Variants in STAC observed in about 807,000 individuals in gnomAD.
The protein encoded by STAC is SH3 and cysteine-rich domain-containing protein.
A neutral mutation model predicts 48.8 loss-of-function variants in STAC; 43 were observed. The ratio of observed to expected loss-of-function variants is 0.88; its 90% CI spans 0.69 to 1.14. The LOEUF (loss-of-function observed/expected upper bound fraction) is 1.14. STAC is among the 50% of genes most tolerant of loss of function. The pLI, the probability that STAC is intolerant of heterozygous loss-of-function variation, is 0.00. For synonymous variants in STAC, 193 were observed against 179.5 expected (o/e 1.07, Z -0.60); for missense variants, 497 against 504.0 (o/e 0.99, Z 0.13).
intron 1 of STAC, among the ~76,000 whole-genome samples, chr3:36,439,772 A>C (rs1285364202): frequency 6.6e-6 from 1 of 152,140 alleles, no homozygotes; most frequent in Non-Finnish European, 1.5e-5. Flanking sequence ...AATCTCAATG[A>C]ATGATTGTCT....
At chr3:36,448,643 A>G (rs1358282108) in intron 2 of STAC, among the ~76,000 whole-genome samples, 1 of 152,212 alleles carries the variant, frequency 6.6e-6, no homozygotes, top group African/African-American at 2.4e-5. Flanking sequence ...AAAGACTTTG[A>G]AAACTGTTAT....
At chr3:36,468,311 C>T (rs574074908) in intron 2 of STAC, among the ~76,000 whole-genome samples, 1 of 152,034 alleles carries the variant, frequency 6.6e-6, no homozygotes, top group South Asian at 2.1e-4. Context: ...TGTTTTGTGG[C>T]CTATCATATG....
Position 36,435,445 on chromosome 3 carries a change from C to A in STAC, c.112-7919C>A, listed in dbSNP as rs561084219. ...CAACTACCCACGGACATGGCTCCAG[C>A]ATGCCCCTTTCTCTCTTATGCATCG... On this transcript the variant is annotated intron_variant, in intron 1 of 10. Coordinates refer to ENST00000273183, the MANE Select transcript of STAC (RefSeq NM_003149.3). Among the ~76,000 whole-genome samples the A allele has an allele frequency of 2.6e-5, 4 of 152,164 alleles. No individual in the cohort carries two copies. In the South Asian group the frequency reaches 8.3e-4, roughly 32 times the overall value.
intron 8 of STAC, among the ~76,000 whole-genome samples, chr3:36,509,592 G>A (rs1178483011): frequency 6.6e-6 from 1 of 151,920 alleles, no homozygotes; most frequent in East Asian, 1.9e-4. Context: ...TGGAGGCTTT[G>A]TTTATTCCTT....
Position 36,399,753 on chromosome 3 carries a change from A to G in STAC, c.111+18999A>G, listed in dbSNP as rs182433280. On this transcript the variant is annotated intron_variant, in intron 1 of 10. Coordinates refer to ENST00000273183, the MANE Select transcript of STAC (RefSeq NM_003149.3). ...ACTCGAGAATCTTGGAAAAATTTCA[A>G]TTAAATTGACTCATATACATTCAGT... 3.9e-5 allele frequency among the ~76,000 whole-genome samples: 6 copies of G among 152,308 alleles called. No homozygotes were observed. In the East Asian group the frequency reaches 1.2e-3, roughly 29 times the overall value.
At chr3:36,384,855 CG>C (rs1377160689) in intron 1 of STAC, among the ~76,000 whole-genome samples, 10 of 152,164 alleles carry the variant, frequency 6.6e-5, no homozygotes, top group Non-Finnish European at 1.5e-4. Flanking sequence ...ACCATGAAGA[CG>C]TGCCCTGAAT....
chr3:36,399,944 CT>C (rs778848229), intron 1 of STAC, among the ~76,000 whole-genome samples: 2 of 152,138 alleles, frequency 1.3e-5, no homozygotes, highest in Non-Finnish European at 2.9e-5. Flanking sequence ...TGTGCAAGTG[CT>C]TTGGAAAACA....
At chr3:36,505,631 C>T (rs563197473) in intron 7 of STAC, 115 bp from the exon 8 acceptor site, 6 of 678,014 alleles carry the variant, frequency 8.8e-6, no homozygotes, top group South Asian at 5.7e-5. Context: ...ATAACACTTA[C>T]GATCCATACA....
At chr3:36,537,958 A>C (rs1326648529) in intron 10 of STAC, among the ~76,000 whole-genome samples, 1 of 152,060 alleles carries the variant, frequency 6.6e-6, no homozygotes, top group Non-Finnish European at 1.5e-5. Context: ...TTTAAAAAAA[A>C]ACAGAAAAAA....
intron 2 of STAC, among the ~76,000 whole-genome samples, chr3:36,458,293 C>A (rs1696907134): frequency 6.6e-6 from 1 of 152,142 alleles, no homozygotes; most frequent in Non-Finnish European, 1.5e-5. Flanking sequence ...AGAAAATATG[C>A]TCCCTTTCTT....
chr3:36,423,935 A>G (rs1392177721), intron 1 of STAC, among the ~76,000 whole-genome samples: 1 of 152,074 alleles, frequency 6.6e-6, no homozygotes, highest in Non-Finnish European at 1.5e-5. Flanking sequence ...TCCAAAAATG[A>G]TGCTGCCCTA....
chr3:36,508,554 T>G (rs1698460216), intron 8 of STAC, among the ~76,000 whole-genome samples: 1 of 152,190 alleles, frequency 6.6e-6, no homozygotes, highest in Non-Finnish European at 1.5e-5. Flanking sequence ...TATGGGAGTC[T>G]AAGTCTCTCT....
At chr3:36,535,545 C>T (rs1336517197) in intron 10 of STAC, among the ~76,000 whole-genome samples, 1 of 152,096 alleles carries the variant, frequency 6.6e-6, no homozygotes, top group Non-Finnish European at 1.5e-5. Flanking sequence ...CTTTTTTGTG[C>T]CAATTTTCAA....
chr3:36,503,596 G>C (rs930665490), intron 6 of STAC, among the ~76,000 whole-genome samples: 2 of 152,028 alleles, frequency 1.3e-5, no homozygotes, highest in Non-Finnish European at 2.9e-5. Context: ...ACCATGCTCA[G>C]CTAATTTTTG....
At chr3:36,385,458 C>T (rs1359630426) in intron 1 of STAC, among the ~76,000 whole-genome samples, 1 of 152,044 alleles carries the variant, frequency 6.6e-6, no homozygotes, top group Non-Finnish European at 1.5e-5. Context: ...CTCATAACCA[C>T]AGTGACCTCA....
At chr3:36,420,169 A>C (rs924711329) in intron 1 of STAC, among the ~76,000 whole-genome samples, 1 of 152,184 alleles carries the variant, frequency 6.6e-6, no homozygotes, top group African/African-American at 2.4e-5. Flanking sequence ...CTTCTATCCT[A>C]AGTAAGAATA....
chr3:36,471,244 T>C (rs903883159), intron 2 of STAC, among the ~76,000 whole-genome samples: 1 of 152,174 alleles, frequency 6.6e-6, no homozygotes, highest in African/African-American at 2.4e-5. Context: ...GTGAGACTTA[T>C]TCACTATCAC....
At chr3:36,466,693 G>A (rs942729897) in intron 2 of STAC, among the ~76,000 whole-genome samples, 1 of 152,106 alleles carries the variant, frequency 6.6e-6, no homozygotes, top group African/African-American at 2.4e-5. Context: ...GGTACATTAG[G>A]TTTGTATCCT....
At chr3:36,502,243 G>C (rs899976441) in intron 6 of STAC, among the ~76,000 whole-genome samples, 7 of 152,056 alleles carry the variant, frequency 4.6e-5, no homozygotes, top group Admixed American at 3.3e-4. Flanking sequence ...TTCTTGTTAT[G>C]GGTGAAATAA....
Sources: gnomAD v4.1 joint callset for allele counts (sites outside exome capture counted in the v4.1 genomes callset) on GRCh38, gnomAD v4.1.1 for gene constraint, MANE v1.5 for transcripts, NCBI Gene and HGNC (gene_info 2026-07-23, HGNC 2026-07-21) for gene names.